DMD: variants seen among roughly 807,000 people sequenced by gnomAD.
DMD encodes dystrophin.
A neutral mutation model predicts 330.1 loss-of-function variants in DMD; 63 were observed. The observed-to-expected ratio is 0.19, with a 90% CI of 0.16 to 0.24. The LOEUF is 0.24. Ranked by LOEUF, DMD falls within the 10% of genes least tolerant of loss-of-function variation. The pLI is 1.00. For missense variants in DMD, 3,344 were observed against 2,684.1 expected (o/e 1.25, Z -5.43); for synonymous variants, 1,223 against 959.8 (o/e 1.27, Z -5.07).
intron 48 of DMD, among the ~76,000 whole-genome samples, chrX:31,848,609 G>A (rs1421625085): frequency 9.0e-6 from 1 of 110,858 alleles, no homozygotes; most frequent in Non-Finnish European, 1.9e-5. Flanking sequence ...ATGATACGAG[G>A]AGAGTTTGAT....
At chrX:32,997,416 T>C (rs142513098) in intron 2 of DMD, among the ~76,000 whole-genome samples, 3,961 of 111,010 alleles carry the variant, frequency 0.036, 129 homozygotes, top group East Asian at 0.2. Context: ...CGACTGATTT[T>C]TGTATTTTTA....
intron 2 of DMD, among the ~76,000 whole-genome samples, chrX:32,899,393 C>T (rs946347488): frequency 2.0e-4 from 22 of 110,751 alleles, no homozygotes; most frequent in Admixed American, 1.5e-3. Context: ...CTTAATTCTA[C>T]GGCCGGGTGC....
At chrX:32,485,245 C>A (rs879059166) in intron 20 of DMD, 146 bp from the exon 21 acceptor site, 12 of 544,140 alleles carry the variant, frequency 2.2e-5, no homozygotes, top group South Asian at 5.6e-5. Context: ...ACAGTATAGA[C>A]AAGCCTCTAT....
intron 1 of DMD, among the ~76,000 whole-genome samples, chrX:33,282,369 A>T (rs2053347883): frequency 9.0e-6 from 1 of 111,246 alleles, no homozygotes; most frequent in South Asian, 3.8e-4. Flanking sequence ...TTCTTGAGGG[A>T]TCCCTCTTCT....
chrX:31,699,884 A>ATGTTAGAT (rs1462586321), intron 52 of DMD, among the ~76,000 whole-genome samples: 1 of 111,512 alleles, frequency 9.0e-6, no homozygotes, highest in African/African-American at 3.3e-5. Flanking sequence ...TTAAAATAGA[A>ATGTTAGAT]TGTTAGATAA....
intron 28 of DMD, among the ~76,000 whole-genome samples, chrX:32,439,669 T>C (rs999153025): frequency 1.1e-4 from 12 of 111,320 alleles, no homozygotes. Context: ...CTATCCTTGA[T>C]ACGTGGTGAT....
chrX:31,250,223 C>T (rs60630579), intron 63 of DMD, among the ~76,000 whole-genome samples: 1,873 of 111,709 alleles, frequency 0.017, 44 homozygotes, highest in African/African-American at 0.058. Context: ...GTATTTTAAA[C>T]TTATCACATT....
intron 55 of DMD, among the ~76,000 whole-genome samples, chrX:31,571,604 A>T (rs1208038943): frequency 9.0e-6 from 1 of 111,438 alleles, no homozygotes; most frequent in African/African-American, 3.3e-5. Flanking sequence ...CATATGCTAC[A>T]GTACTGCACA....
intron 7 of DMD, among the ~76,000 whole-genome samples, chrX:32,785,032 A>C: frequency 9.0e-6 from 1 of 110,615 alleles, no homozygotes; most frequent in Admixed American, 9.7e-5. Context: ...TGGGGCACAT[A>C]ACTTTAAAAT....
intron 50 of DMD, among the ~76,000 whole-genome samples, chrX:31,810,514 G>T (rs958813663): frequency 4.5e-5 from 5 of 112,108 alleles, no homozygotes; most frequent in African/African-American, 1.6e-4. Context: ...CAGATTGGTA[G>T]AACTCCATCT....
At chrX:33,279,449 GTT>G (rs200332838) in intron 1 of DMD, among the ~76,000 whole-genome samples, 21,006 of 105,757 alleles carry the variant, frequency 0.2, 1,977 homozygotes, top group East Asian at 0.5. Context: ...GTACCACAGG[GTT>G]TTTTTTTTTT....
intron 9 of DMD, among the ~76,000 whole-genome samples, chrX:32,686,559 CAAAAAA>C (rs750534167): frequency 1.4e-4 from 4 of 28,581 alleles, no homozygotes; most frequent in South Asian, 3.2e-3. Context: ...AACTCCATCT[CAAAAAA>C]AAAAAAAAAA....
chrX:32,778,337 GA>G (rs906612702), intron 7 of DMD, among the ~76,000 whole-genome samples: 7 of 109,335 alleles, frequency 6.4e-5, no homozygotes, highest in Admixed American at 5.9e-4. Flanking sequence ...GAACCCTATA[GA>G]AATGAGCACT....
At chrX:32,717,935 T>C (rs1029773439) in intron 7 of DMD, among the ~76,000 whole-genome samples, 1 of 111,382 alleles carries the variant, frequency 9.0e-6, no homozygotes, top group African/African-American at 3.3e-5. Flanking sequence ...TTTCTTCTGA[T>C]CGATTTAACT....
At chrX:31,890,750 T>G (rs1344704387) in intron 47 of DMD, among the ~76,000 whole-genome samples, 1 of 111,662 alleles carries the variant, frequency 9.0e-6, no homozygotes, top group Non-Finnish European at 1.9e-5. Context: ...ATTTTCTGTC[T>G]AGAAAGCTTG....
At chrX:32,706,560 T>C (rs2064683822) in intron 7 of DMD, among the ~76,000 whole-genome samples, 1 of 108,292 alleles carries the variant, frequency 9.2e-6, no homozygotes, top group African/African-American at 3.4e-5. Flanking sequence ...TGAGACTCCA[T>C]CTCAAAAAAC....
At chrX:31,791,325 A>G (rs770897420) in intron 50 of DMD, among the ~76,000 whole-genome samples, 3 of 112,050 alleles carry the variant, frequency 2.7e-5, no homozygotes, top group Non-Finnish European at 3.8e-5. Context: ...GGTTGTCAAT[A>G]TAAGAGTACT....
intron 1 of DMD, among the ~76,000 whole-genome samples, chrX:33,331,011 C>T (rs1047103738): frequency 2.7e-5 from 3 of 112,081 alleles, no homozygotes; most frequent in East Asian, 2.8e-4. Context: ...AAACCACGTT[C>T]GTCTCTAAAT....
At chrX:33,013,788 T>C (rs2093745854) in intron 2 of DMD, among the ~76,000 whole-genome samples, 1 of 109,829 alleles carries the variant, frequency 9.1e-6, no homozygotes, top group Non-Finnish European at 1.9e-5. Context: ...ATTTTAAATA[T>C]AGAATATGTT....
Sources: gnomAD v4.1 joint callset for allele counts (sites outside exome capture counted in the v4.1 genomes callset) on GRCh38, gnomAD v4.1.1 for gene constraint, MANE v1.5 for transcripts, NCBI Gene and HGNC (gene_info 2026-07-23, HGNC 2026-07-21) for gene names.